Variants in SOX6 observed in about 807,000 individuals in gnomAD.
SOX6 encodes SRY-box transcription factor 6, also known as transcription factor SOX-6.
In SOX6, 11 loss-of-function variants were observed where a neutral mutation model predicts 97.8. The ratio of observed to expected loss-of-function variants is 0.11; its 90% CI spans 0.07 to 0.19. SOX6 has a LOEUF of 0.19. Ranked by LOEUF, SOX6 falls within the 10% of genes least tolerant of loss-of-function variation. The pLI, the probability that SOX6 is intolerant of heterozygous loss-of-function variation, is 1.00. For missense variants in SOX6, 810 were observed against 1,039.5 expected (o/e 0.78, Z 3.04); for synonymous variants, 360 against 371.4 (o/e 0.97, Z 0.35).
chr11:16,456,159 T>TA (rs1859807060), intron 1 of SOX6, among the ~76,000 whole-genome samples: 1 of 152,108 alleles, frequency 6.6e-6, no homozygotes, highest in South Asian at 2.1e-4. Context: ...ATTTCATCTA[T>TA]AGGTTTAAAA....
At chr11:15,975,693 AC>A (rs1315123388) in intron 15 of SOX6, among the ~76,000 whole-genome samples, 3 of 152,170 alleles carry the variant, frequency 2.0e-5, no homozygotes, top group African/African-American at 7.2e-5. Context: ...ACATGAAGTG[AC>A]CAATTAAGTT....
chr11:16,340,008 A>G (rs966736629), intron 2 of SOX6, among the ~76,000 whole-genome samples: 4 of 152,066 alleles, frequency 2.6e-5, no homozygotes, highest in Non-Finnish European at 4.4e-5. Context: ...CTTCTCACCT[A>G]CTGTTTCAGA....
chr11:16,218,773 C>T (rs1852446224), intron 4 of SOX6, among the ~76,000 whole-genome samples: 1 of 152,036 alleles, frequency 6.6e-6, no homozygotes, highest in Admixed American at 6.6e-5. Context: ...TGAAAGAAAA[C>T]TAACACTGGT....
chr11:16,662,544 G>C (rs1183066357), intron 3 of SOX6, among the ~76,000 whole-genome samples: 1 of 151,436 alleles, frequency 6.6e-6, no homozygotes, highest in Non-Finnish European at 1.5e-5. Context: ...TTTTTAAAAA[G>C]GATAATAAAT....
chr11:16,166,377 T>C (rs1850888416), intron 6 of SOX6, among the ~76,000 whole-genome samples: 2 of 152,228 alleles, frequency 1.3e-5, no homozygotes, highest in Non-Finnish European at 2.9e-5. Flanking sequence ...TTCATATGTG[T>C]GCTTCTGCAA....
At position 15,989,247 on chromosome 11, in the gene SOX6, G is replaced by A. The variant is rs1158074297; in HGVS notation, c.1733-17C>T. 1 of 1,576,904 alleles carries A rather than the reference G, an allele frequency of 6.3e-7. No homozygotes were observed. Among genetic ancestry groups the A allele is most frequent in the Admixed American group, 1.7e-5 (1 of 57,748 alleles). On this transcript the variant is annotated splice_polypyrimidine_tract_variant and intron_variant, in intron 13 of 15. Transcript: ENST00000683767. ...CTTTACTTCCTGTAATGTCAGGGCA[G>A]GAAGAACAAGATGAGTGGAAAGCGT...
chr11:16,429,047 T>C (rs1414194029), intron 1 of SOX6, among the ~76,000 whole-genome samples: 1 of 152,140 alleles, frequency 6.6e-6, no homozygotes, highest in Non-Finnish European at 1.5e-5. Flanking sequence ...AAGTAAGACA[T>C]AAATGCAGCC....
chr11:16,681,763 A>G (rs970357753), intron 3 of SOX6, among the ~76,000 whole-genome samples: 15 of 152,342 alleles, frequency 9.8e-5, no homozygotes, highest in Admixed American at 9.8e-4. Flanking sequence ...GAGACAATAA[A>G]AAATGATAAA....
intron 4 of SOX6, among the ~76,000 whole-genome samples, chr11:16,556,543 G>A (rs1462404813): frequency 1.3e-5 from 2 of 151,704 alleles, no homozygotes; most frequent in East Asian, 1.9e-4. Context: ...ATGCAGAAGT[G>A]AGCATTAAAA....
chr11:15,987,958 A>G (rs534398596), intron 14 of SOX6, among the ~76,000 whole-genome samples: 7 of 152,362 alleles, frequency 4.6e-5, no homozygotes, highest in African/African-American at 1.7e-4. Flanking sequence ...CACTGCCTCA[A>G]AATGCCTCAG....
At chr11:16,701,338 T>C (rs1227806093) in intron 3 of SOX6, among the ~76,000 whole-genome samples, 1 of 152,180 alleles carries the variant, frequency 6.6e-6, no homozygotes, top group Non-Finnish European at 1.5e-5. Context: ...TTTATTCTTA[T>C]CTTAAAGGAT....
upstream of SOX6, among the ~76,000 whole-genome samples, chr11:16,360,480 G>C (rs986788809): frequency 6.6e-6 from 1 of 152,072 alleles, no homozygotes; most frequent in Non-Finnish European, 1.5e-5. Flanking sequence ...ATATGTATTT[G>C]TTTCCTCCTA....
chr11:16,208,157 A>G (rs1590029347), intron 4 of SOX6, among the ~76,000 whole-genome samples: 1 of 152,310 alleles, frequency 6.6e-6, no homozygotes, highest in East Asian at 1.9e-4. Context: ...AATTGTGTAG[A>G]CTTTTTAAAA....
chr11:16,623,208 A>G (rs1372105140), intron 3 of SOX6, among the ~76,000 whole-genome samples: 1 of 152,020 alleles, frequency 6.6e-6, no homozygotes, highest in Non-Finnish European at 1.5e-5. Context: ...TTTAGTAGAG[A>G]CGGGGTTTCA....
At position 16,613,791 on chromosome 11, in the gene SOX6, C is replaced by A. The variant is rs1848431967; in HGVS notation, n.430-1531G>T. Among the ~76,000 whole-genome samples the A allele has an allele frequency of 6.6e-6, 1 of 152,206 alleles. No individual in the cohort carries two copies. Among genetic ancestry groups the A allele is most frequent in the Non-Finnish European group, 1.5e-5 (1 of 68,026 alleles). On this transcript the variant is annotated intron_variant and non_coding_transcript_variant, in intron 3 of 5. Transcript: ENST00000524520. This position sits in a 1 kb window ranked among gnomAD's most constrained non-coding sequence, Gnocchi z 4.6. Reference sequence around the variant, plus strand: ...AACTGCGAGGATGCCGGCGGTCAGGCTTGGCCGAGCTTTGTTTACGTGCCT... The same window carrying A: ...AACTGCGAGGATGCCGGCGGTCAGGATTGGCCGAGCTTTGTTTACGTGCCT...
chr11:16,524,884 G>C (rs1326471613), intron 4 of SOX6, among the ~76,000 whole-genome samples: 6 of 152,150 alleles, frequency 3.9e-5, no homozygotes, highest in Admixed American at 3.9e-4. Flanking sequence ...ATTCACAATT[G>C]CTTCAAAGAG....
At chr11:16,080,451 A>G (rs1848449241) in intron 9 of SOX6, among the ~76,000 whole-genome samples, 1 of 152,100 alleles carries the variant, frequency 6.6e-6, no homozygotes, top group Admixed American at 6.6e-5. Context: ...ACTCTGAAAG[A>G]TTTTTGTATG....
At chr11:16,040,453 T>C (rs1269804178) in intron 12 of SOX6, among the ~76,000 whole-genome samples, 1 of 152,062 alleles carries the variant, frequency 6.6e-6, no homozygotes, top group Non-Finnish European at 1.5e-5. Flanking sequence ...ATGTTATTAG[T>C]TCAAATGTAA....
intron 1 of SOX6, among the ~76,000 whole-genome samples, chr11:16,410,422 C>T (rs1248161423): frequency 1.3e-5 from 2 of 151,950 alleles, no homozygotes; most frequent in Non-Finnish European, 2.9e-5. Context: ...GCAATGACAT[C>T]TATGATCTAA....
Sources: allele counts gnomAD v4.1 joint callset (sites outside exome capture counted in the v4.1 genomes callset), GRCh38; gene constraint gnomAD v4.1.1; non-coding constraint Gnocchi (gnomAD v3.1); transcripts MANE v1.5; gene names NCBI Gene and HGNC (gene_info 2026-07-23, HGNC 2026-07-21).